Variants in OR2L5 observed in about 807,000 individuals in gnomAD.
OR2L5 encodes the protein olfactory receptor 2L5.
For missense variants in OR2L5, 413 were observed against 381.6 expected (o/e 1.08, Z -0.69); for synonymous variants, 169 against 142.0 (o/e 1.19, Z -1.35).
At chr1:248,019,514 G>T (rs1005877241) in intron 1 of OR2L5, among the ~76,000 whole-genome samples, 2 of 151,994 alleles carry the variant, frequency 1.3e-5, no homozygotes, top group Non-Finnish European at 2.9e-5. Context: ...CTTACACTTA[G>T]GTCTTTGATT....
At position 248,023,800 on chromosome 1, in the gene OR2L5, C is replaced by T. The variant is rs1572679574; in HGVS notation, c.*914C>T. Reference sequence around the variant, plus strand: ...GCCCATTCCTGAGAAACGCTTTAGTCTCTGAGGAGAGGAGGCAAGAAGGAA... The same window carrying T: ...GCCCATTCCTGAGAAACGCTTTAGTTTCTGAGGAGAGGAGGCAAGAAGGAA... On this transcript the variant is annotated 3_prime_UTR_variant, in exon 2 of 2. Transcript: ENST00000355281. The T allele has an allele frequency of 6.6e-6, 1 of 152,098 alleles. No individual in the cohort carries two copies. Among genetic ancestry groups the T allele is most frequent in the South Asian group, 2.1e-4 (1 of 4,832 alleles). 9.4% of individuals were successfully genotyped at this position (152,098 alleles called of 1,614,324 possible). A position where few individuals can be genotyped will look rare whatever the true frequency, so the allele number is the denominator to read the frequency against.
chr1:248,022,205 T>A lies in OR2L5; in HGVS notation c.258T>A (p.Tyr86Ter), dbSNP rs746380786. The A allele has an allele frequency of 6.2e-7, 1 of 1,614,164 alleles. No homozygotes were observed. The highest frequency in any genetic ancestry group is 8.5e-7 in the Non-Finnish European group (1 of 1,180,004). ...IVPKMASDFLYGNKSISFIGC... is the reference protein window; with the variant it reads ...IVPKMASDFL ...CTAAGATGGCTTCTGATTTTCTGTA[T>A]GGAAACAAGTCTATCTCCTTCATTG... is the stretch of plus-strand genomic sequence containing the variant. The change falls in exon 2 of 2, where the codon TAT (tyrosine) becomes TAA (stop). Residue 86 changes from tyrosine to a stop codon, truncating the protein, a stop_gained. Transcript: ENST00000355281. LOFTEE classifies it low-confidence loss of function (END_TRUNC).
chr1:248,021,156 G>A (rs74454384), intron 1 of OR2L5, among the ~76,000 whole-genome samples: 6,381 of 151,970 alleles, frequency 0.042, 434 homozygotes, highest in African/African-American at 0.15. Flanking sequence ...TTTGTGTTGG[G>A]CATCAAACAT....
At chr1:248,021,854 G>C in intron 1 of OR2L5, 73 bp from the exon 2 acceptor site, 1 of 917,662 alleles carries the variant, frequency 1.1e-6, no homozygotes. Flanking sequence ...GCATTCACTG[G>C]AGGCCTTGGA....
chr1:248,016,639 C>T (rs1031710221), intron 1 of OR2L5, among the ~76,000 whole-genome samples: 3 of 151,826 alleles, frequency 2.0e-5, no homozygotes, highest in African/African-American at 7.3e-5. Flanking sequence ...GTGAGTCAGC[C>T]TTATTTCAGA....
rs549591801 is a variant in OR2L5 at position 248,023,792 on chromosome 1, G to T, written c.*906G>T. ...CCACAAGAGCCCATTCCTGAGAAAC[G>T]CTTTAGTCTCTGAGGAGAGGAGGCA... is the stretch of plus-strand genomic sequence containing the variant. On this transcript the variant is annotated 3_prime_UTR_variant, in exon 2 of 2. Transcript: ENST00000355281. 4 of 152,124 alleles carry T rather than the reference G, an allele frequency of 2.6e-5. No individual in the cohort carries two copies. Among genetic ancestry groups the T allele is most frequent in the African/African-American group, 9.7e-5 (4 of 41,424 alleles). 9.4% of individuals were successfully genotyped at this position (152,124 alleles called of 1,614,324 possible). A position where few individuals can be genotyped will look rare whatever the true frequency, so the allele number is the denominator to read the frequency against.
intron 1 of OR2L5, among the ~76,000 whole-genome samples, chr1:248,020,415 T>TCTC (rs1418356740): frequency 6.6e-6 from 1 of 152,150 alleles, no homozygotes; most frequent in African/African-American, 2.4e-5. Flanking sequence ...AATCAGCAGT[T>TCTC]CTATTCACCA....
intron 1 of OR2L5, among the ~76,000 whole-genome samples, chr1:248,021,452 A>T (rs1442373514): frequency 2.0e-5 from 3 of 152,188 alleles, no homozygotes; most frequent in African/African-American, 7.2e-5. Context: ...CCTGTGATCA[A>T]CTGCAGTCTG....
chr1:248,016,688 AT>A (rs980366822), intron 1 of OR2L5, among the ~76,000 whole-genome samples: 1 of 151,914 alleles, frequency 6.6e-6, no homozygotes, highest in Non-Finnish European at 1.5e-5. Flanking sequence ...TAGACCACAC[AT>A]TTTTTTAAAC....
intron 1 of OR2L5, among the ~76,000 whole-genome samples, chr1:248,018,932 ATAATG>A (rs749145838): frequency 7.2e-5 from 11 of 152,336 alleles, no homozygotes; most frequent in Non-Finnish European, 1.5e-4. Context: ...TTCACTTTGC[ATAATG>A]TAATCAAAGT....
At position 248,022,518 on chromosome 1, in the gene OR2L5, A is replaced by G; in HGVS notation, c.571A>G (p.Thr191Ala). Residue 191 changes from threonine to alanine, a missense_variant, in exon 2 of 2, where the codon ACC becomes GCC. Coordinates refer to ENST00000355281, the MANE Select transcript of OR2L5 (RefSeq NM_001258284.2). ...PAMLTLACTD[T>A]WVYEYTVFLS... ...TATGTTGACATTAGCCTGTACAGAC[A>G]CCTGGGTCTATGAGTACACAGTGTT... 1 of 1,614,150 alleles carries G rather than the reference A, an allele frequency of 6.2e-7. No individual in the cohort carries two copies. The highest frequency in any genetic ancestry group is 8.5e-7 in the Non-Finnish European group (1 of 1,180,016).
rs765877122 is a variant in OR2L5, at chr1:248,022,768, C to A, written c.821C>A (p.Ala274Asp). Reference sequence around the variant, plus strand: ...TCTCTGACAGAGGACAAGGTTCTGGCTGTTTTCTACACCATCCTCACCCCA... The same window carrying A: ...TCTCTGACAGAGGACAAGGTTCTGGATGTTTTCTACACCATCCTCACCCCA... ...LRSLTEDKVL[A>D]VFYTILTPML... Residue 274 changes from alanine (A) to aspartate (D), a missense_variant, in exon 2 of 2, where the codon GCT becomes GAT. By Grantham distance (126) the Ala-to-Asp change is moderately radical (BLOSUM62 -2). Transcript: ENST00000355281. 1 of 1,614,056 alleles carries A rather than the reference C, an allele frequency of 6.2e-7. No individual in the cohort carries two copies. The highest frequency in any genetic ancestry group is 1.1e-5 in the South Asian group (1 of 91,080).
intron 1 of OR2L5, among the ~76,000 whole-genome samples, chr1:248,014,165 A>T (rs1342527603): frequency 6.6e-6 from 1 of 152,120 alleles, no homozygotes; most frequent in Non-Finnish European, 1.5e-5. Flanking sequence ...TGCTTATAAT[A>T]ATCTTATTGC....
At chr1:248,016,488 A>G (rs1328552752) in intron 1 of OR2L5, among the ~76,000 whole-genome samples, 2 of 152,182 alleles carry the variant, frequency 1.3e-5, no homozygotes, top group Non-Finnish European at 2.9e-5. Flanking sequence ...AGAAGTTTAA[A>G]TGATTGAATT....
chr1:248,013,660 CTT>C lies in OR2L5; in HGVS notation c.-98_-97del, dbSNP rs1414200057. 6.6e-6 allele frequency: 1 copy of C among 152,070 alleles called. No homozygotes were observed. Among genetic ancestry groups the C allele is most frequent in the African/African-American group, 2.4e-5 (1 of 41,430 alleles). The allele number at this position is 152,070 out of a possible 1,614,324, so 9.4% of individuals were successfully genotyped here. ...TCAGAAATCTTGCTTAGAAAAATGA[CTT>C]TGTTCATATGATGACTATACGACTG... On this transcript the variant is annotated 5_prime_UTR_variant, in exon 1 of 2. Coordinates refer to ENST00000355281, the MANE Select transcript of OR2L5 (RefSeq NM_001258284.2).
At chr1:248,014,910 C>A (rs923374256) in intron 1 of OR2L5, among the ~76,000 whole-genome samples, 6 of 152,142 alleles carry the variant, frequency 3.9e-5, no homozygotes, top group Non-Finnish European at 7.4e-5. Flanking sequence ...CATGAACTTA[C>A]ACAGTGAAGC....
chr1:248,016,526 A>G (rs1168379878), intron 1 of OR2L5, among the ~76,000 whole-genome samples: 3 of 152,116 alleles, frequency 2.0e-5, no homozygotes, highest in African/African-American at 4.8e-5. Flanking sequence ...CTTATTCGTG[A>G]TATAAAAATC....
chr1:248,022,140 C>A lies in OR2L5; in HGVS notation c.193C>A (p.Leu65Ile). 6.2e-7 allele frequency: 1 copy of A among 1,613,954 alleles called. No individual in the cohort carries two copies. The highest frequency in any genetic ancestry group is 8.5e-7 in the Non-Finnish European group (1 of 1,179,876). ...HTPMYFLLSQ[L>I]SLIDLNYIST... Reference sequence around the variant, plus strand: ...ACCCATGTATTTCCTGCTTAGTCAGCTCTCCCTCATTGACCTAAATTACAT... The same window carrying A: ...ACCCATGTATTTCCTGCTTAGTCAGATCTCCCTCATTGACCTAAATTACAT... Residue 65 changes from leucine (L) to isoleucine (I), a missense_variant, in exon 2 of 2, where the codon CTC becomes ATC. Coordinates refer to ENST00000355281, the MANE Select transcript of OR2L5 (RefSeq NM_001258284.2).
intron 1 of OR2L5, 49 bp from the exon 2 acceptor site, chr1:248,021,877 CA>C: frequency 8.0e-7 from 1 of 1,251,964 alleles, no homozygotes; most frequent in Non-Finnish European, 1.1e-6. Context: ...GCAACCCCTG[CA>C]GATAATGGGG....
Sources: gnomAD v4.1 joint callset for allele counts (sites outside exome capture counted in the v4.1 genomes callset) on GRCh38, gnomAD v4.1.1 for gene constraint, MANE v1.5 for transcripts, NCBI Gene and HGNC (gene_info 2026-07-23, HGNC 2026-07-21) for gene names.